Variants in SLC12A2 observed in about 807,000 individuals in gnomAD.
SLC12A2 encodes the protein solute carrier family 12 member 2, also known as Na-K-2Cl cotransporter 1.
A neutral mutation model predicts 136.3 loss-of-function variants in SLC12A2; 67 were observed. The observed-to-expected ratio is 0.49, with a 90% CI of 0.40 to 0.60. The LOEUF (loss-of-function observed/expected upper bound fraction) is 0.60. SLC12A2 is among the 20% of genes least tolerant of loss of function. The probability of loss-of-function intolerance (pLI) is 0.00; values close to 1 mark genes in which losing one functional copy is unlikely to be tolerated. For synonymous variants in SLC12A2, 619 were observed against 562.9 expected (o/e 1.10, Z -1.41); for missense variants, 1,322 against 1,534.7 (o/e 0.86, Z 2.32).
At chr5:128,141,762 A>G (rs1762371116) in intron 9 of SLC12A2, 68 bp from the exon 10 acceptor site, 8 of 1,317,136 alleles carry the variant, frequency 6.1e-6, no homozygotes, top group Admixed American at 2.2e-5. Context: ...AAATATATAT[A>G]TGTATATAAA....
At chr5:128,131,685 CAG>C (rs2126698350) in intron 5 of SLC12A2, among the ~76,000 whole-genome samples, 1 of 151,628 alleles carries the variant, frequency 6.6e-6, no homozygotes, top group South Asian at 2.1e-4. Context: ...GCCTGGGCGA[CAG>C]AGCAAGACTC....
rs1336370039 is a variant in SLC12A2 at position 128,125,756 on chromosome 5, T to C, written c.1049-5311T>C. On this transcript the variant is annotated intron_variant, in intron 4 of 26. Transcript: ENST00000262461. ...GGCCATGAAGATATTCTCCTATATT[T>C]TCTTCTAGAAGCTTTATAGTTTCAG... 2.0e-5 allele frequency among the ~76,000 whole-genome samples: 3 copies of C among 152,186 alleles called. No homozygotes were observed. In the East Asian group the frequency reaches 5.8e-4, roughly 29 times the overall value.
chr5:128,161,158 A>G (rs1025679163), intron 16 of SLC12A2, among the ~76,000 whole-genome samples: 1 of 152,208 alleles, frequency 6.6e-6, no homozygotes, highest in African/African-American at 2.4e-5. Context: ...TGAGTTAACA[A>G]AGTTCATTTA....
At chr5:128,139,332 T>G (rs568016886) in intron 9 of SLC12A2, among the ~76,000 whole-genome samples, 62 of 152,216 alleles carry the variant, frequency 4.1e-4, no homozygotes, top group African/African-American at 1.3e-3. Context: ...GCTTGGCAAT[T>G]TTTTACTATA....
chr5:128,094,532 T>C (rs560358172), intron 1 of SLC12A2, among the ~76,000 whole-genome samples: 5 of 152,190 alleles, frequency 3.3e-5, no homozygotes, highest in Admixed American at 2.0e-4. Flanking sequence ...GCATAAGCTC[T>C]TGTTATTTTG....
chr5:128,105,625 T>G (rs1472006862), intron 1 of SLC12A2, among the ~76,000 whole-genome samples: 1 of 152,120 alleles, frequency 6.6e-6, no homozygotes, highest in East Asian at 1.9e-4. Context: ...CAGTAAAAAG[T>G]TAACTCTGGT....
At chr5:128,101,619 A>G (rs1264409136) in intron 1 of SLC12A2, among the ~76,000 whole-genome samples, 2 of 152,208 alleles carry the variant, frequency 1.3e-5, no homozygotes, top group African/African-American at 2.4e-5. Context: ...GGCTGTCATT[A>G]ACCATTATTT....
chr5:128,095,945 T>C (rs1760521274), intron 1 of SLC12A2, among the ~76,000 whole-genome samples: 1 of 152,190 alleles, frequency 6.6e-6, no homozygotes. Context: ...AATTTTGAAA[T>C]ACCCTGATAT....
Position 128,114,219 on chromosome 5 carries a change from G to T in SLC12A2, c.884G>T (p.Cys295Phe). ...CTCTTTTTCCCTCTTTAGGTACGTT[G>T]TATGTTAAACATTTGGGGTGTGATG... ...FGWIKGVLVR[C>F]MLNIWGVMLF... is the part of the protein sequence containing the mutation. The change falls in exon 3 of 27, where the codon TGT (cysteine) becomes TTT (phenylalanine). Residue 295 changes from cysteine to phenylalanine, a missense_variant. Cys to Phe is a radical substitution (Grantham distance 205). Around this residue, in one of 8 missense-constraint regions of SLC12A2, gnomAD observed 71 missense variants for 131.0 expected, o/e 0.54. Coordinates refer to ENST00000262461, the MANE Select transcript of SLC12A2 (RefSeq NM_001046.3). 6.2e-7 allele frequency: 1 copy of T among 1,612,374 alleles called. No individual in the cohort carries two copies. Among genetic ancestry groups the T allele is most frequent in the Non-Finnish European group, 8.5e-7 (1 of 1,178,870 alleles).
At chr5:128,152,624 T>C in intron 14 of SLC12A2, 82 bp from the exon 15 acceptor site, 1 of 873,672 alleles carries the variant, frequency 1.1e-6, no homozygotes, top group Non-Finnish European at 2.0e-6. Flanking sequence ...TGAAAGCATG[T>C]TTAATTCTCT....
At chr5:128,089,224 C>G (rs1430078774) in intron 1 of SLC12A2, among the ~76,000 whole-genome samples, 1 of 149,200 alleles carries the variant, frequency 6.7e-6, no homozygotes, top group Non-Finnish European at 1.5e-5. Flanking sequence ...GCCACTTTTA[C>G]AAAAAGTGCA....
At chr5:128,088,037 G>GTC (rs1554101701) in intron 1 of SLC12A2, among the ~76,000 whole-genome samples, 1 of 151,452 alleles carries the variant, frequency 6.6e-6, no homozygotes, top group African/African-American at 2.4e-5. Flanking sequence ...GTGTGTGTGT[G>GTC]TGTCTGTATA....
At chr5:128,140,021 C>CAGA (rs1554106577) in intron 9 of SLC12A2, among the ~76,000 whole-genome samples, 2 of 151,954 alleles carry the variant, frequency 1.3e-5, no homozygotes, top group African/African-American at 4.8e-5. Flanking sequence ...TTTTTTGAGA[C>CAGA]GGAGTCTCAC....
At chr5:128,100,978 G>A (rs550643043) in intron 1 of SLC12A2, among the ~76,000 whole-genome samples, 9 of 152,158 alleles carry the variant, frequency 5.9e-5, no homozygotes, top group Non-Finnish European at 1.2e-4. Context: ...TTTGTAATCA[G>A]CAGTTCTGAC....
intron 1 of SLC12A2, chr5:128,109,703 G>T (rs1379516348): frequency 2.2e-5 from 25 of 1,160,896 alleles, no homozygotes; most frequent in Non-Finnish European, 3.2e-5. Flanking sequence ...CCAGGTGAAA[G>T]TCCCAGCACC....
chr5:128,178,526 A>G (rs969265556), intron 21 of SLC12A2, 41 bp from the exon 22 acceptor site: 1 of 1,459,620 alleles, frequency 6.9e-7, no homozygotes, highest in South Asian at 1.4e-5. Flanking sequence ...GGACTTTAAT[A>G]TTTACTTTGC....
In SLC12A2 at chr5:128,186,839, G is replaced by T; in HGVS notation, c.*208G>T. The T allele has an allele frequency of 4.6e-6, 2 of 433,232 alleles. No homozygotes were observed. The highest frequency in any genetic ancestry group is 3.4e-5 in the East Asian group (1 of 29,782). The allele number at this position is 433,232 out of a possible 1,614,324, so 26.8% of individuals were successfully genotyped here. On this transcript the variant is annotated 3_prime_UTR_variant, in exon 27 of 27. Transcript: ENST00000262461. ...GTCAATTCCATATCTCAATCTTAATGGTGATTCTTCTCTGTTGAACTGAAG... is the reference window on the plus strand; with the variant it reads ...GTCAATTCCATATCTCAATCTTAATTGTGATTCTTCTCTGTTGAACTGAAG...
chr5:128,188,803 T>C lies in SLC12A2; in HGVS notation c.*2172T>C, dbSNP rs926697139. 6.6e-6 allele frequency: 1 copy of C among 152,208 alleles called. No individual in the cohort carries two copies. The highest frequency in any genetic ancestry group is 1.5e-5 in the Non-Finnish European group (1 of 67,960). 9.4% of individuals were successfully genotyped at this position (152,208 alleles called of 1,614,324 possible). Reference sequence around the variant, plus strand: ...TTGTTCCATTGCAGGTTTTGCAATGTTTGGGGGTAAAGACAGTAGAAATAT... The same window carrying C: ...TTGTTCCATTGCAGGTTTTGCAATGCTTGGGGGTAAAGACAGTAGAAATAT... On this transcript the variant is annotated 3_prime_UTR_variant, in exon 27 of 27. Transcript: ENST00000262461.
At chr5:128,087,954 T>G (rs998290213) in intron 1 of SLC12A2, among the ~76,000 whole-genome samples, 2 of 150,088 alleles carry the variant, frequency 1.3e-5, no homozygotes, top group Non-Finnish European at 3.0e-5. Context: ...CTATTCTGTT[T>G]CAGTAGCCTA....
Sources: gnomAD v4.1 joint callset for allele counts (sites outside exome capture counted in the v4.1 genomes callset) on GRCh38, gnomAD v4.1.1 for gene constraint, gnomAD v4.1.1 regional missense constraint, MANE v1.5 for transcripts, NCBI Gene and HGNC (gene_info 2026-07-23, HGNC 2026-07-21) for gene names.